The following SGCZ variants were observed in gnomAD, a reference collection of about 807,000 sequenced individuals.
SGCZ encodes zeta-sarcoglycan.
A neutral mutation model predicts 41.3 loss-of-function variants in SGCZ; 40 were observed. The observed-to-expected ratio is 0.97, with a 90% CI of 0.75 to 1.26. The LOEUF (loss-of-function observed/expected upper bound fraction) is 1.26, where lower values mean the gene tolerates loss of function less well. Among genes scored for constraint, SGCZ ranks in the 50% most tolerant of loss-of-function variants. SGCZ has a pLI of 0.00. For missense variants in SGCZ, 552 were observed against 369.8 expected, an observed-to-expected ratio of 1.49 and a Z score of -4.04; for synonymous variants, 206 against 137.5, an observed-to-expected ratio of 1.50 and a Z score of -3.49.
chr8:14,094,460 A>T (rs1410918018), intron 7 of SGCZ, among the ~76,000 whole-genome samples: 1 of 152,148 alleles, frequency 6.6e-6, no homozygotes, highest in Non-Finnish European at 1.5e-5. Flanking sequence ...CGCAAAGGAC[A>T]TGAACTCATC....
intron 1 of SGCZ, among the ~76,000 whole-genome samples, chr8:14,600,281 G>A (rs1055276765): frequency 9.9e-5 from 15 of 152,080 alleles, no homozygotes; most frequent in African/African-American, 3.4e-4. Flanking sequence ...CTCAATTCCT[G>A]TGCATTTCTC....
chr8:14,345,334 G>T (rs749365684), intron 2 of SGCZ, among the ~76,000 whole-genome samples: 3 of 152,066 alleles, frequency 2.0e-5, no homozygotes, highest in Non-Finnish European at 4.4e-5. Context: ...CGGTGAGAAG[G>T]CACATTTGGA....
chr8:14,576,230 T>C lies in SGCZ; in HGVS notation c.40-21304A>G, dbSNP rs977669855. Among the ~76,000 whole-genome samples, 11 of 152,140 alleles carry C rather than the reference T, an allele frequency of 7.2e-5. 1 individual carries two copies. In the East Asian group the frequency reaches 9.7e-4, roughly 13 times the overall value. On this transcript the variant is annotated intron_variant, in intron 1 of 7. Transcript: ENST00000382080. ...GTGGTGTGCTGTCTATGTCGGCATA[T>C]TGAAAACATACAGACAATGTAAAGT...
intron 4 of SGCZ, among the ~76,000 whole-genome samples, chr8:14,235,315 G>C (rs756169926): frequency 6.6e-6 from 1 of 152,108 alleles, no homozygotes; most frequent in Admixed American, 6.5e-5. Context: ...TACACTCAAA[G>C]GACCAGGATA....
chr8:14,366,426 C>G (rs1164866932), intron 2 of SGCZ, among the ~76,000 whole-genome samples: 2 of 152,124 alleles, frequency 1.3e-5, no homozygotes, highest in Non-Finnish European at 2.9e-5. Flanking sequence ...GGGGAAACCA[C>G]CTGGATTATC....
intron 2 of SGCZ, among the ~76,000 whole-genome samples, chr8:14,446,288 A>G (rs1330345981): frequency 3.9e-5 from 6 of 152,106 alleles, no homozygotes; most frequent in Non-Finnish European, 5.9e-5. Context: ...TACTGCTGTC[A>G]CTCACCAAAG....
At chr8:14,975,727 C>G (rs545407273) in intron 1 of SGCZ, among the ~76,000 whole-genome samples, 6 of 151,012 alleles carry the variant, frequency 4.0e-5, no homozygotes, top group African/African-American at 1.2e-4. Flanking sequence ...TTTTCTCTTA[C>G]GAAATAGTAT....
intron 1 of SGCZ, among the ~76,000 whole-genome samples, chr8:14,894,908 A>G (rs755195600): frequency 2.6e-5 from 4 of 152,214 alleles, no homozygotes; most frequent in Admixed American, 6.5e-5. Flanking sequence ...AAGGAAAACT[A>G]TATTAAAAAA....
chr8:14,322,484 C>G (rs1361527903), intron 3 of SGCZ, among the ~76,000 whole-genome samples: 1 of 152,030 alleles, frequency 6.6e-6, no homozygotes, highest in Non-Finnish European at 1.5e-5. Flanking sequence ...GTGGAATCCA[C>G]ACATACTCCT....
chr8:14,115,675 T>C (rs1802501265), intron 5 of SGCZ, among the ~76,000 whole-genome samples: 1 of 151,802 alleles, frequency 6.6e-6, no homozygotes, highest in African/African-American at 2.4e-5. Context: ...CTTTTTTAAT[T>C]TTTTTTTGTA....
chr8:15,027,242 T>C (rs949812900), intron 1 of SGCZ, among the ~76,000 whole-genome samples: 2 of 152,160 alleles, frequency 1.3e-5, no homozygotes, highest in African/African-American at 4.8e-5. Flanking sequence ...CAGGAAGTTC[T>C]AGAATAAACA....
chr8:14,742,942 G>A (rs777633255), intron 1 of SGCZ, among the ~76,000 whole-genome samples: 1 of 152,078 alleles, frequency 6.6e-6, no homozygotes, highest in African/African-American at 2.4e-5. Flanking sequence ...GACTCAGTAT[G>A]ATTTTCATAG....
At chr8:15,208,456 C>G (rs1801138451) in intron 1 of SGCZ, among the ~76,000 whole-genome samples, 1 of 152,128 alleles carries the variant, frequency 6.6e-6, no homozygotes, top group South Asian at 2.1e-4. Flanking sequence ...GTTTATAAGT[C>G]AGTTGTCAGA....
intron 1 of SGCZ, among the ~76,000 whole-genome samples, chr8:15,067,439 C>T (rs763446232): frequency 7.2e-5 from 11 of 152,100 alleles, no homozygotes; most frequent in Non-Finnish European, 1.2e-4. Flanking sequence ...TACTGATAAA[C>T]CTACCATAGA....
chr8:14,182,952 G>C (rs1804777233), intron 4 of SGCZ, among the ~76,000 whole-genome samples: 1 of 145,642 alleles, frequency 6.9e-6, no homozygotes, highest in Non-Finnish European at 1.5e-5. Context: ...AGAGGTTGCA[G>C]TGAGCCGAGA....
At chr8:14,283,514 T>A (rs13251658) in intron 3 of SGCZ, among the ~76,000 whole-genome samples, 105,003 of 151,836 alleles carry the variant, frequency 0.69, 36,544 homozygotes, top group Admixed American at 0.72. Flanking sequence ...TTCATATATA[T>A]ATAAATAAAA....
chr8:15,071,231 T>C (rs1805340270), intron 1 of SGCZ, among the ~76,000 whole-genome samples: 1 of 152,300 alleles, frequency 6.6e-6, no homozygotes, highest in Middle Eastern at 3.4e-3. Context: ...TATCATAAAA[T>C]ATGAAAAGAG....
At chr8:14,254,978 C>A (rs922277365) in intron 3 of SGCZ, among the ~76,000 whole-genome samples, 7 of 152,142 alleles carry the variant, frequency 4.6e-5, no homozygotes, top group Non-Finnish European at 1.0e-4. Flanking sequence ...AAAAATCATG[C>A]ACTGCTTTTC....
chr8:14,641,873 G>T (rs1007301942), intron 1 of SGCZ, among the ~76,000 whole-genome samples: 1 of 151,660 alleles, frequency 6.6e-6, no homozygotes, highest in South Asian at 2.1e-4. Context: ...ATTCTTTGCA[G>T]TGGTAGGTAA....
Sources: gnomAD v4.1 joint callset for allele counts (sites outside exome capture counted in the v4.1 genomes callset) on GRCh38, gnomAD v4.1.1 for gene constraint, MANE v1.5 for transcripts, NCBI Gene and HGNC (gene_info 2026-07-23, HGNC 2026-07-21) for gene names.